Variants in PRKCE observed in about 807,000 individuals in gnomAD.
PRKCE encodes protein kinase C epsilon type.
A neutral mutation model predicts 85.4 loss-of-function variants in PRKCE; 16 were observed. The ratio of observed to expected loss-of-function variants is 0.19; its 90% CI spans 0.13 to 0.28. The LOEUF is 0.28. Ranked by LOEUF, PRKCE falls within the 10% of genes least tolerant of loss-of-function variation. The pLI, the probability that PRKCE is intolerant of heterozygous loss-of-function variation, is 1.00. For missense variants in PRKCE, 573 were observed against 975.2 expected (o/e 0.59, Z 5.49); for synonymous variants, 388 against 371.5 (o/e 1.04, Z -0.51).
At chr2:45,809,549 G>A (rs73928808) in intron 1 of PRKCE, among the ~76,000 whole-genome samples, 7,338 of 152,076 alleles carry the variant, frequency 0.048, 609 homozygotes, top group African/African-American at 0.17. Flanking sequence ...CAATAATAGC[G>A]ACTTAAAGAA....
At chr2:45,690,121 A>G (rs1182815006) in intron 1 of PRKCE, among the ~76,000 whole-genome samples, 5 of 152,162 alleles carry the variant, frequency 3.3e-5, no homozygotes, top group African/African-American at 1.2e-4. Flanking sequence ...TCTCATATTG[A>G]TCTGCTTTCT....
intron 2 of PRKCE, among the ~76,000 whole-genome samples, chr2:45,952,003 T>C (rs1700654807): frequency 6.6e-6 from 1 of 152,208 alleles, no homozygotes; most frequent in South Asian, 2.1e-4. Flanking sequence ...CAGCTAACTT[T>C]TGCATTTTTA....
At chr2:46,121,300 T>A (rs747110111) in intron 11 of PRKCE, among the ~76,000 whole-genome samples, 1 of 152,206 alleles carries the variant, frequency 6.6e-6, no homozygotes, top group Non-Finnish European at 1.5e-5. Context: ...GTGCACCCGT[T>A]GTAAAGTAGG....
In PRKCE at chr2:45,651,678, ATT is replaced by A. The variant is rs1675127879; in HGVS notation, c.-421_-420del. On this transcript the variant is annotated 5_prime_UTR_variant, in exon 1 of 15. Transcript: ENST00000306156. Reference sequence around the variant, plus strand: ...GCCCCATCCCCCTCCCGGAGTCGAAATTTCCCGGGATTATGTTTCGGAAAGGT... The same window carrying A: ...GCCCCATCCCCCTCCCGGAGTCGAAATCCCGGGATTATGTTTCGGAAAGGT... The A allele has an allele frequency of 6.6e-6, 1 of 152,656 alleles. No individual in the cohort carries two copies. The highest frequency in any genetic ancestry group is 2.5e-5 in the African/African-American group (1 of 40,586). The allele number at this position is 152,656 out of a possible 1,614,324, so 9.5% of individuals were successfully genotyped here. A position where few individuals can be genotyped will look rare whatever the true frequency, so the allele number is the denominator to read the frequency against.
At position 46,069,631 on chromosome 2, in the gene PRKCE, GAA is replaced by G. The variant is rs1667903677; in HGVS notation, c.1438-16572_1438-16571del. Among the ~76,000 whole-genome samples, 4 of 152,192 alleles carry G rather than the reference GAA, an allele frequency of 2.6e-5. No homozygotes were observed. In the South Asian group the frequency reaches 8.3e-4, roughly 32 times the overall value. On this transcript the variant is annotated intron_variant, in intron 10 of 14. Coordinates refer to ENST00000306156, the MANE Select transcript of PRKCE (RefSeq NM_005400.3). ...TATAAATCAGTATACCACTTTGATGGAAAAAATTTCCAAACTAAATCATTGCA... is the reference window on the plus strand; with the variant it reads ...TATAAATCAGTATACCACTTTGATGGAAAATTTCCAAACTAAATCATTGCA...
intron 10 of PRKCE, among the ~76,000 whole-genome samples, chr2:46,027,130 C>G (rs1444817068): frequency 2.0e-5 from 3 of 152,116 alleles, no homozygotes; most frequent in Non-Finnish European, 4.4e-5. Flanking sequence ...AATCATGCCA[C>G]TGTACTCCAG....
intron 2 of PRKCE, among the ~76,000 whole-genome samples, chr2:45,902,627 T>C (rs1176244897): frequency 2.6e-5 from 4 of 152,148 alleles, no homozygotes; most frequent in Non-Finnish European, 5.9e-5. Context: ...TTCTTGGAGC[T>C]GGAACTTGGG....
Position 45,794,845 on chromosome 2 carries a change from A to ACTC in PRKCE, c.349-48154_349-48153insTCC, listed in dbSNP as rs1365039978. ...ATGGGGGAGGGACAATTATTGCCCT[A>ACTC]CCCCCCCCCCCATCCACCATTTCTT... On this transcript the variant is annotated intron_variant, in intron 1 of 14. Transcript: ENST00000306156. 3.6e-4 allele frequency among the ~76,000 whole-genome samples: 44 copies of ACTC among 122,646 alleles called. 2 individuals are homozygous for ACTC. Among genetic ancestry groups the ACTC allele is most frequent in the Admixed American group, 1.5e-3 (16 of 10,896 alleles). The allele number at this position is 122,646 out of a possible 152,430, so 80.5% of individuals were successfully genotyped here. A position where few individuals can be genotyped will look rare whatever the true frequency, so the allele number is the denominator to read the frequency against.
At chr2:46,107,607 G>A (rs7597838) in intron 11 of PRKCE, among the ~76,000 whole-genome samples, 107,958 of 152,082 alleles carry the variant, frequency 0.71, 39,498 homozygotes, top group East Asian at 0.94. Context: ...ATGGAAGACT[G>A]TGCTTAGCTT....
chr2:46,004,679 C>T lies in PRKCE; in HGVS notation c.1063+41C>T, dbSNP rs1489534133. 2.0e-6 allele frequency: 3 copies of T among 1,494,100 alleles called. No homozygotes were observed. The highest frequency in any genetic ancestry group is 1.8e-6 in the Non-Finnish European group (2 of 1,104,944). 92.6% of individuals were successfully genotyped at this position (1,494,100 alleles called of 1,614,324 possible). A position where few individuals can be genotyped will look rare whatever the true frequency, so the allele number is the denominator to read the frequency against. On this transcript the variant is annotated intron_variant, in intron 8 of 14. Transcript: ENST00000306156. This position sits in a 1 kb window ranked among gnomAD's most constrained non-coding sequence, Gnocchi z 4.1. ...TTGCTTCCTGACCTCTGAGTTCTGCCATTGGATGGACCAAGGAGCTCTGAG... is the reference window on the plus strand; with the variant it reads ...TTGCTTCCTGACCTCTGAGTTCTGCTATTGGATGGACCAAGGAGCTCTGAG...
At chr2:45,669,522 G>T (rs557592725) in intron 1 of PRKCE, among the ~76,000 whole-genome samples, 6 of 152,264 alleles carry the variant, frequency 3.9e-5, no homozygotes, top group Non-Finnish European at 7.4e-5. Flanking sequence ...TGATACAGTG[G>T]GGGCTCCAAT....
intron 1 of PRKCE, among the ~76,000 whole-genome samples, chr2:45,841,667 A>G (rs763032054): frequency 3.3e-5 from 5 of 152,228 alleles, no homozygotes; most frequent in Non-Finnish European, 7.3e-5. Flanking sequence ...CCTTCAGTCC[A>G]ATCAAGTTGA....
At chr2:46,154,986 T>C (rs1677058820) in intron 13 of PRKCE, among the ~76,000 whole-genome samples, 1 of 152,198 alleles carries the variant, frequency 6.6e-6, no homozygotes, top group African/African-American at 2.4e-5. Flanking sequence ...AACTGTTTGA[T>C]AAAAAACAGA....
chr2:46,182,802 C>A lies in PRKCE; in HGVS notation c.2068-1933C>A, dbSNP rs61759999. The stretch of plus-strand genomic sequence containing the variant: ...TCACAGCTGTCTCCACCCATGCTTG[C>A]CTACTGGCAGGCCTTTCCGGCTTTA... On this transcript the variant is annotated intron_variant, in intron 14 of 14. Transcript: ENST00000306156. 2.5e-3 allele frequency among the ~76,000 whole-genome samples: 386 copies of A among 152,374 alleles called. 1 individual carries two copies. The highest frequency in any genetic ancestry group is 9.1e-3 in the African/African-American group (379 of 41,590).
intron 2 of PRKCE, among the ~76,000 whole-genome samples, chr2:45,868,046 C>T (rs1004788268): frequency 6.6e-6 from 1 of 152,050 alleles, no homozygotes; most frequent in Non-Finnish European, 1.5e-5. Flanking sequence ...CACATGGTCA[C>T]AGCTTTTGAA....
chr2:46,127,865 T>C (rs1674013774), intron 11 of PRKCE, among the ~76,000 whole-genome samples: 1 of 152,220 alleles, frequency 6.6e-6, no homozygotes, highest in African/African-American at 2.4e-5. Context: ...GGACAGGGAC[T>C]GGGGCTGGAC....
At chr2:45,686,206 T>G (rs943886534) in intron 1 of PRKCE, 2 of 152,228 alleles carry the variant, frequency 1.3e-5, no homozygotes, top group African/African-American at 4.8e-5. Flanking sequence ...TCCTTCTTTA[T>G]AATTTTCCTG....
intron 1 of PRKCE, among the ~76,000 whole-genome samples, chr2:45,763,637 A>G (rs1236556803): frequency 1.3e-5 from 2 of 152,070 alleles, no homozygotes; most frequent in Admixed American, 6.5e-5. Context: ...CTCCCTTGGT[A>G]TAACCCGCCA....
chr2:45,669,759 C>T (rs1307784172), intron 1 of PRKCE, among the ~76,000 whole-genome samples: 5 of 152,112 alleles, frequency 3.3e-5, no homozygotes, highest in Non-Finnish European at 5.9e-5. Flanking sequence ...GCCTGTAATT[C>T]CAGAACTTGG....
Sources: gnomAD v4.1 joint callset for allele counts (sites outside exome capture counted in the v4.1 genomes callset) on GRCh38, gnomAD v4.1.1 for gene constraint, Gnocchi (gnomAD v3.1) non-coding constraint, MANE v1.5 for transcripts, NCBI Gene and HGNC (gene_info 2026-07-23, HGNC 2026-07-21) for gene names.